Variants in SLC67A2 observed in about 807,000 individuals in gnomAD.
SLC67A2 encodes the protein solute carrier family 67 member 2.
At chr2:102,731,429 AT>A in the SLC67A2 span, among the ~76,000 whole-genome samples, 16 of 152,186 alleles carry the variant, frequency 1.1e-4, no homozygotes, top group African/African-American at 3.9e-4. Flanking sequence ...AGAAATTTAA[AT>A]TCTGGAAAAA....
chr2:102,736,617 T>C, the SLC67A2 span: 27 of 1,613,542 alleles, frequency 1.7e-5, no homozygotes, highest in Non-Finnish European at 2.2e-5. Context: ...CAGTCAGCAC[T>C]TGCTCCCAGC....
chr2:102,719,153 C>A, the SLC67A2 span: 33 of 1,614,038 alleles, frequency 2.0e-5, no homozygotes, highest in African/African-American at 3.6e-4. Flanking sequence ...CAATGGCAGG[C>A]CCTTCTCTGT....
chr2:102,726,812 G>C, the SLC67A2 span: 11 of 1,434,626 alleles, frequency 7.7e-6, no homozygotes, highest in Non-Finnish European at 1.0e-5. Context: ...GGGAAGCTAC[G>C]TTTGAAAAAA....
At chr2:102,725,007 G>C in the SLC67A2 span, among the ~76,000 whole-genome samples, 1 of 152,184 alleles carries the variant, frequency 6.6e-6, no homozygotes, top group South Asian at 2.1e-4. Context: ...AAATTGTATT[G>C]ATGTCAGGTT....
the SLC67A2 span, among the ~76,000 whole-genome samples, chr2:102,726,616 T>A: frequency 6.6e-6 from 1 of 151,596 alleles, no homozygotes; most frequent in African/African-American, 2.4e-5. Context: ...ACACACATGC[T>A]CGCGCACGCA....
chr2:102,729,654 GA>G, the SLC67A2 span, among the ~76,000 whole-genome samples: 134 of 151,920 alleles, frequency 8.8e-4, no homozygotes, highest in African/African-American at 3.0e-3. Context: ...ATGACTCTTA[GA>G]AAAAAAATAA....
At chr2:102,736,591 T>C in the SLC67A2 span, 10 of 1,612,856 alleles carry the variant, frequency 6.2e-6, no homozygotes, top group Admixed American at 1.5e-4. Flanking sequence ...ACCGCCTGGG[T>C]CCCCAGGCCC....
the SLC67A2 span, chr2:102,718,851 C>G: frequency 6.2e-7 from 1 of 1,614,012 alleles, no homozygotes; most frequent in South Asian, 1.1e-5. Context: ...GCCACGGCCC[C>G]CAGCATGCTG....
chr2:102,728,390 C>A, the SLC67A2 span, among the ~76,000 whole-genome samples: 2 of 152,142 alleles, frequency 1.3e-5, no homozygotes, highest in Admixed American at 1.3e-4. Context: ...ATCTCACAGG[C>A]CACTACTGCA....
chr2:102,727,821 C>T, the SLC67A2 span, among the ~76,000 whole-genome samples: 2 of 152,180 alleles, frequency 1.3e-5, no homozygotes, highest in African/African-American at 4.8e-5. Context: ...TGTATTTCAA[C>T]CAGCACTGCT....
the SLC67A2 span, chr2:102,736,721 G>A: frequency 1.9e-6 from 3 of 1,613,840 alleles, no homozygotes; most frequent in East Asian, 2.2e-5. Context: ...CCTCCGCCTC[G>A]GTTCCTGTCT....
chr2:102,725,972 C>T, the SLC67A2 span, among the ~76,000 whole-genome samples: 4 of 151,904 alleles, frequency 2.6e-5, no homozygotes, highest in Admixed American at 2.6e-4. Context: ...CACTGAAACT[C>T]CTCTAATTCC....
chr2:102,720,579 C>T, the SLC67A2 span, among the ~76,000 whole-genome samples: 1 of 141,408 alleles, frequency 7.1e-6, no homozygotes, highest in African/African-American at 2.5e-5. Flanking sequence ...ACCTCAGGCT[C>T]TGGGGTAAGC....
the SLC67A2 span, among the ~76,000 whole-genome samples, chr2:102,735,805 G>A: frequency 6.6e-6 from 1 of 151,326 alleles, no homozygotes; most frequent in East Asian, 2.0e-4. Context: ...ATTCTACGTG[G>A]GAAATTAGCA....
At chr2:102,734,062 T>G in the SLC67A2 span, among the ~76,000 whole-genome samples, 22 of 152,316 alleles carry the variant, frequency 1.4e-4, no homozygotes, top group South Asian at 4.6e-3. Context: ...TCAAAATCGC[T>G]GCATTTGGCA....
At chr2:102,721,774 G>A in the SLC67A2 span, among the ~76,000 whole-genome samples, 1 of 152,084 alleles carries the variant, frequency 6.6e-6, no homozygotes, top group Non-Finnish European at 1.5e-5. Context: ...GTGTGATCAC[G>A]GCTCACTGTA....
chr2:102,732,794 C>G, the SLC67A2 span, among the ~76,000 whole-genome samples: 4 of 152,148 alleles, frequency 2.6e-5, no homozygotes, highest in African/African-American at 9.7e-5. Context: ...GTCCTAGGAC[C>G]TGTAGTTTAT....
chr2:102,723,689 T>G, the SLC67A2 span: 9 of 1,612,858 alleles, frequency 5.6e-6, no homozygotes, highest in East Asian at 2.0e-4. Context: ...TTCTCATGAT[T>G]GTCAACTTAC....
the SLC67A2 span, chr2:102,736,831 G>T: frequency 1.9e-6 from 3 of 1,586,460 alleles, no homozygotes; most frequent in Admixed American, 5.2e-5. Context: ...GCCGGGGGTC[G>T]GACGCAGCAG....
Sources: allele counts gnomAD v4.1 joint callset (sites outside exome capture counted in the v4.1 genomes callset), GRCh38; gene constraint gnomAD v4.1.1; transcripts MANE v1.5; gene names NCBI Gene and HGNC (gene_info 2026-07-23, HGNC 2026-07-21).